MGAT4C: variants seen among roughly 807,000 people sequenced by gnomAD.
MGAT4C encodes the protein alpha-1,3-mannosyl-glycoprotein 4-beta-N-acetylglucosaminyltransferase C.
Under a neutral mutation model 40.1 loss-of-function variants are expected in MGAT4C, and 19 were observed. The observed-to-expected ratio is 0.47, with a 90% CI of 0.33 to 0.70. MGAT4C has a LOEUF of 0.70. MGAT4C is among the 30% of genes least tolerant of loss of function. The probability of loss-of-function intolerance (pLI) is 0.02; values close to 1 mark genes in which losing one functional copy is unlikely to be tolerated. For missense variants in MGAT4C, 491 were observed against 563.2 expected (o/e 0.87, Z 1.30); for synonymous variants, 181 against 187.1 (o/e 0.97, Z 0.27).
chr12:86,562,355 G>C lies in MGAT4C; in HGVS notation c.-228-127090C>G, dbSNP rs1373099909. On this transcript the variant is annotated intron_variant, in intron 2 of 7. Coordinates refer to the MGAT4C transcript ENST00000548651. ...TAAAGTGAGGGCACTGGTTGGAAAA[G>C]AATGGGACCCTGCCACTTGGAATTG... Among the ~76,000 whole-genome samples the C allele has an allele frequency of 3.3e-5, 5 of 152,246 alleles. No individual in the cohort carries two copies. In the East Asian group the frequency reaches 7.7e-4, roughly 24 times the overall value.
Position 85,961,015 on chromosome 12 carries a change from C to T in MGAT4C, c.*18274G>A, listed in dbSNP as rs1286204352. On this transcript the variant is annotated 3_prime_UTR_variant, in exon 5 of 5. Coordinates refer to ENST00000611864, the MANE Select transcript of MGAT4C (RefSeq NM_001351288.2). The stretch of plus-strand genomic sequence containing the variant: ...CTATTTAAAAAACAAAGTCAGTCAC[C>T]TAAATGACTTTCTGACTATAAATTT... The T allele has an allele frequency of 1.3e-5, 2 of 151,934 alleles. No homozygotes were observed. Among genetic ancestry groups the T allele is most frequent in the Admixed American group, 1.3e-4 (2 of 15,240 alleles). The allele number at this position is 151,934 out of a possible 1,614,324, so 9.4% of individuals were successfully genotyped here. A position where few individuals can be genotyped will look rare whatever the true frequency, so the allele number is the denominator to read the frequency against.
intron 3 of MGAT4C, among the ~76,000 whole-genome samples, chr12:86,382,744 G>A (rs1955965096): frequency 6.6e-6 from 1 of 152,222 alleles, no homozygotes; most frequent in South Asian, 2.1e-4. Context: ...GAAAGGGGCA[G>A]ACATAGAGCT....
chr12:86,791,362 G>C (rs1226814024), intron 1 of MGAT4C, among the ~76,000 whole-genome samples: 1 of 151,612 alleles, frequency 6.6e-6, no homozygotes, highest in Non-Finnish European at 1.5e-5. Context: ...TATCATACAG[G>C]TTTGGTATTT....
intron 1 of MGAT4C, among the ~76,000 whole-genome samples, chr12:86,131,705 T>G (rs562042778): frequency 1.3e-5 from 2 of 151,004 alleles, no homozygotes; most frequent in Non-Finnish European, 3.0e-5. Flanking sequence ...ATAATCAAGA[T>G]AGTAGTATCA....
At chr12:86,456,916 A>G (rs565370300) in intron 2 of MGAT4C, among the ~76,000 whole-genome samples, 1 of 152,250 alleles carries the variant, frequency 6.6e-6, no homozygotes, top group South Asian at 2.1e-4. Flanking sequence ...TCCAAAATGA[A>G]TCTAATGATA....
At chr12:86,310,129 G>A (rs561480380) in intron 4 of MGAT4C, among the ~76,000 whole-genome samples, 7 of 151,810 alleles carry the variant, frequency 4.6e-5, no homozygotes, top group African/African-American at 1.7e-4. Flanking sequence ...AGGAGTCAAA[G>A]TGTTAAGCTA....
chr12:86,207,231 G>C (rs112980818), intron 1 of MGAT4C, among the ~76,000 whole-genome samples: 2 of 151,372 alleles, frequency 1.3e-5, no homozygotes, highest in Non-Finnish European at 2.9e-5. Context: ...GTGACATTTC[G>C]CATGCATCAA....
At chr12:86,360,291 CA>C (rs1440556714) in intron 3 of MGAT4C, among the ~76,000 whole-genome samples, 1 of 152,178 alleles carries the variant, frequency 6.6e-6, no homozygotes, top group Non-Finnish European at 1.5e-5. Context: ...AAGAGCACTT[CA>C]TGCTAAAAAC....
intron 2 of MGAT4C, among the ~76,000 whole-genome samples, chr12:86,602,436 C>T (rs1961819418): frequency 6.6e-6 from 1 of 152,184 alleles, no homozygotes; most frequent in Non-Finnish European, 1.5e-5. Flanking sequence ...GCTCTAAGCA[C>T]TGGAAATAAT....
At chr12:86,718,036 G>C (rs143813104) in intron 2 of MGAT4C, among the ~76,000 whole-genome samples, 1 of 152,064 alleles carries the variant, frequency 6.6e-6, no homozygotes, top group Non-Finnish European at 1.5e-5. Flanking sequence ...AGACGTTTTT[G>C]TTGGTCATAA....
intron 3 of MGAT4C, among the ~76,000 whole-genome samples, chr12:86,337,642 A>T (rs1389021194): frequency 6.6e-6 from 1 of 152,022 alleles, no homozygotes; most frequent in Non-Finnish European, 1.5e-5. Context: ...GGCAAGATAC[A>T]ATAGCGGTGT....
At chr12:86,603,755 TA>T (rs1961926157) in intron 2 of MGAT4C, among the ~76,000 whole-genome samples, 1 of 128,918 alleles carries the variant, frequency 7.8e-6, no homozygotes, top group Non-Finnish European at 1.6e-5. Flanking sequence ...ATATTATATA[TA>T]ATATATAGTA....
chr12:86,644,167 A>G (rs1361818543), intron 2 of MGAT4C, among the ~76,000 whole-genome samples: 5 of 151,626 alleles, frequency 3.3e-5, no homozygotes, highest in Non-Finnish European at 7.4e-5. Flanking sequence ...ATGGAAAATA[A>G]TTTCAAGTTT....
chr12:86,383,969 G>T (rs1439987907), intron 3 of MGAT4C, among the ~76,000 whole-genome samples: 3 of 152,104 alleles, frequency 2.0e-5, no homozygotes, highest in Non-Finnish European at 4.4e-5. Flanking sequence ...CTGGTGGGAG[G>T]TAATTAAATC....
At chr12:86,311,969 G>A (rs1383511260) in intron 4 of MGAT4C, among the ~76,000 whole-genome samples, 2 of 152,030 alleles carry the variant, frequency 1.3e-5, no homozygotes, top group Non-Finnish European at 2.9e-5. Context: ...AGGCACCTAT[G>A]AGGCCCCATG....
At chr12:86,305,896 G>A (rs2136144642) in intron 4 of MGAT4C, among the ~76,000 whole-genome samples, 1 of 150,310 alleles carries the variant, frequency 6.7e-6, no homozygotes, top group East Asian at 2.0e-4. Flanking sequence ...GGATATGGAG[G>A]GGTGACTGCA....
At chr12:86,391,811 G>A (rs1956165511) in intron 3 of MGAT4C, among the ~76,000 whole-genome samples, 1 of 152,026 alleles carries the variant, frequency 6.6e-6, no homozygotes, top group African/African-American at 2.4e-5. Context: ...AGTGAGCTGA[G>A]ATCGCGACAC....
chr12:86,229,003 G>C, intron 1 of MGAT4C, among the ~76,000 whole-genome samples: 1 of 151,754 alleles, frequency 6.6e-6, no homozygotes, highest in East Asian at 1.9e-4. Context: ...TTTGGAAAGA[G>C]AAAATAATTA....
chr12:86,614,249 A>G (rs1962377634), intron 2 of MGAT4C, among the ~76,000 whole-genome samples: 1 of 152,164 alleles, frequency 6.6e-6, no homozygotes, highest in Admixed American at 6.5e-5. Flanking sequence ...CCTCCAGAGA[A>G]TACCTAAAAT....
Sources: allele counts gnomAD v4.1 joint callset (sites outside exome capture counted in the v4.1 genomes callset), GRCh38; gene constraint gnomAD v4.1.1; transcripts MANE v1.5; gene names NCBI Gene and HGNC (gene_info 2026-07-23, HGNC 2026-07-21).